PLCB4: variants seen among roughly 807,000 people sequenced by gnomAD.
PLCB4 encodes the protein phospholipase C beta 4, also known as 1-phosphatidylinositol 4,5-bisphosphate phosphodiesterase beta-4.
In PLCB4, 77 loss-of-function variants were observed where a neutral mutation model predicts 178.8. That is an observed-to-expected ratio of 0.43 (90% CI 0.36 to 0.52). The LOEUF (loss-of-function observed/expected upper bound fraction) is 0.52, where lower values mean the gene tolerates loss of function less well. PLCB4 is among the 20% of genes least tolerant of loss of function. The probability of loss-of-function intolerance (pLI) is 0.00; values close to 1 mark genes in which losing one functional copy is unlikely to be tolerated. For missense variants in PLCB4, 1,024 were observed against 1,453.4 expected (o/e 0.70, Z 4.80); for synonymous variants, 496 against 490.8 (o/e 1.01, Z -0.14).
At chr20:9,307,293 AAAGAGAGGACC>A (rs995873644) in intron 3 of PLCB4, among the ~76,000 whole-genome samples, 5 of 152,112 alleles carry the variant, frequency 3.3e-5, no homozygotes, top group African/African-American at 1.2e-4. Context: ...AGAGAGGGCT[AAAGAGAGGACC>A]AAGAGCTATA....
rs945676472 is a variant in PLCB4, at chr20:9,244,751, G to A, written c.-16+27299G>A. 2.0e-5 allele frequency among the ~76,000 whole-genome samples: 3 copies of A among 152,162 alleles called. No individual in the cohort carries two copies. The South Asian group carries it at 6.2e-4, about 31-fold the overall frequency. On this transcript the variant is annotated intron_variant, in intron 3 of 39. Transcript: ENST00000378473. ...TTAAATGAAGTTCCCTTTTGAATTT[G>A]CAATAAATAGTAGGCACCCAATTTT...
chr20:9,420,428 C>A (rs998910337), intron 26 of PLCB4, among the ~76,000 whole-genome samples: 35 of 152,156 alleles, frequency 2.3e-4, no homozygotes, highest in African/African-American at 8.2e-4. Context: ...ACCTCCTCCT[C>A]CCGGTTTCAA....
rs1386513547 is a variant in PLCB4 at position 9,444,008 on chromosome 20, T to C, written c.2792T>C (p.Ile931Thr). 1.2e-6 allele frequency: 2 copies of C among 1,603,326 alleles called. No individual in the cohort carries two copies. Among genetic ancestry groups the C allele is most frequent in the Non-Finnish European group, 1.7e-6 (2 of 1,173,206 alleles). The change falls in exon 31 of 40, where the codon ATA (isoleucine) becomes ACA (threonine). Residue 931 changes from isoleucine to threonine, a missense_variant. Transcript: ENST00000378473. ...ATTGAACTTATCCCTCAAGTAAGGA[T>C]AGAAGACTTAAAGCAGATGAAGGTA... Reference protein sequence around the residue: ...KGIELIPQVRIEDLKQMKAYL... With the variant: ...KGIELIPQVRTEDLKQMKAYL...
At chr20:9,224,232 C>T (rs1303270280) in intron 3 of PLCB4, among the ~76,000 whole-genome samples, 2 of 152,182 alleles carry the variant, frequency 1.3e-5, no homozygotes, top group African/African-American at 2.4e-5. Context: ...ATCTTGCTCT[C>T]TTGAGCTGTG....
chr20:9,225,067 A>G (rs1213775914), intron 3 of PLCB4, among the ~76,000 whole-genome samples: 1 of 152,168 alleles, frequency 6.6e-6, no homozygotes, highest in Non-Finnish European at 1.5e-5. Context: ...GAAATGGATT[A>G]AAAAATGCTG....
At chr20:9,122,978 A>T (rs1289360429) in intron 2 of PLCB4, among the ~76,000 whole-genome samples, 1 of 152,232 alleles carries the variant, frequency 6.6e-6, no homozygotes, top group Non-Finnish European at 1.5e-5. Context: ...CATTAAAAAC[A>T]TAAGAAACAG....
intron 3 of PLCB4, among the ~76,000 whole-genome samples, chr20:9,221,077 AGGCAGGGC>A (rs1295723062): frequency 2.6e-5 from 4 of 152,008 alleles, no homozygotes; most frequent in Non-Finnish European, 5.9e-5. Flanking sequence ...TGGTTTATCA[AGGCAGGGC>A]TCCCAGGAGA....
intron 1 of PLCB4, among the ~76,000 whole-genome samples, chr20:9,071,528 A>G (rs1350220537): frequency 3.3e-5 from 5 of 152,194 alleles, no homozygotes; most frequent in Non-Finnish European, 7.3e-5. Context: ...ATGTAACAAT[A>G]TAAGTGAAAT....
At chr20:9,084,952 C>G (rs1020235207) in intron 1 of PLCB4, among the ~76,000 whole-genome samples, 3 of 150,816 alleles carry the variant, frequency 2.0e-5, no homozygotes, top group African/African-American at 7.3e-5. Context: ...GCTGGGGAGG[C>G]TGAGACAGGA....
rs570836859 is a variant in PLCB4, at chr20:9,299,443, G to A, written c.-15-8357G>A. On this transcript the variant is annotated intron_variant, in intron 3 of 39. Transcript: ENST00000378473. ...GGTATATGTCTTGCTAGTTTTTCCCGTTGTAAAACAGTGTACATATGTAAG... is the reference window on the plus strand; with the variant it reads ...GGTATATGTCTTGCTAGTTTTTCCCATTGTAAAACAGTGTACATATGTAAG... 1.2e-3 allele frequency among the ~76,000 whole-genome samples: 177 copies of A among 151,882 alleles called. No homozygotes were observed. In the Middle Eastern group the frequency reaches 0.031, roughly 26 times the overall value.
intron 12 of PLCB4, among the ~76,000 whole-genome samples, chr20:9,377,908 A>G (rs557313922): frequency 4.6e-5 from 7 of 152,306 alleles, no homozygotes; most frequent in African/African-American, 7.2e-5. Context: ...GCACATCAGA[A>G]TTACTCAGAA....
intron 25 of PLCB4, among the ~76,000 whole-genome samples, chr20:9,419,165 C>G (rs546787573): frequency 1.1e-4 from 17 of 151,750 alleles, no homozygotes; most frequent in Non-Finnish European, 2.5e-4. Context: ...GTTTTCTTGC[C>G]TGATTGTTTC....
chr20:9,318,869 T>C (rs2094929323), intron 4 of PLCB4, among the ~76,000 whole-genome samples: 1 of 152,230 alleles, frequency 6.6e-6, no homozygotes, highest in African/African-American at 2.4e-5. Flanking sequence ...GTGCTGATTC[T>C]CTATTGCTTC....
rs1048687873 is a variant in PLCB4 at position 9,165,620 on chromosome 20, A to G, written c.-78-51770A>G. ...TTATAATGAAAATAAGCATACTAAAAACTTGGAGAAATCCTGCAGAATAGA... is the reference window on the plus strand; with the variant it reads ...TTATAATGAAAATAAGCATACTAAAGACTTGGAGAAATCCTGCAGAATAGA... On this transcript the variant is annotated intron_variant, in intron 2 of 39. Transcript: ENST00000378473. Among the ~76,000 whole-genome samples, 7 of 152,172 alleles carry G rather than the reference A, an allele frequency of 4.6e-5. No homozygotes were observed. The East Asian group carries it at 1.2e-3, about 25-fold the overall frequency.
chr20:9,367,892 C>T (rs1389757144), intron 9 of PLCB4, among the ~76,000 whole-genome samples: 4 of 152,072 alleles, frequency 2.6e-5, no homozygotes, highest in Non-Finnish European at 5.9e-5. Context: ...ACATGGACTC[C>T]ATGGTGCTTG....
intron 3 of PLCB4, among the ~76,000 whole-genome samples, chr20:9,300,835 G>A (rs971954721): frequency 6.6e-6 from 1 of 152,022 alleles, no homozygotes; most frequent in Non-Finnish European, 1.5e-5. Flanking sequence ...GCTTCAGGGG[G>A]CCCAATATAT....
intron 3 of PLCB4, among the ~76,000 whole-genome samples, chr20:9,218,393 C>T (rs1317711510): frequency 6.6e-6 from 1 of 152,210 alleles, no homozygotes; most frequent in Non-Finnish European, 1.5e-5. Flanking sequence ...GTATGAACCA[C>T]CGAACCTGGC....
intron 2 of PLCB4, among the ~76,000 whole-genome samples, chr20:9,123,140 C>G (rs1199285462): frequency 6.6e-6 from 1 of 151,970 alleles, no homozygotes; most frequent in African/African-American, 2.4e-5. Flanking sequence ...TTAATTTCAG[C>G]TGACATGTTG....
intron 28 of PLCB4, among the ~76,000 whole-genome samples, chr20:9,424,890 T>C (rs1445657845): frequency 1.3e-5 from 2 of 152,204 alleles, no homozygotes; most frequent in Non-Finnish European, 2.9e-5. Context: ...TTTTGCTGTT[T>C]GTTTTTAGTA....
Sources: allele counts gnomAD v4.1 joint callset (sites outside exome capture counted in the v4.1 genomes callset), GRCh38; gene constraint gnomAD v4.1.1; transcripts MANE v1.5; gene names NCBI Gene and HGNC (gene_info 2026-07-23, HGNC 2026-07-21).